Variants in TENM1 observed in about 807,000 individuals in gnomAD.
TENM1 encodes teneurin-1.
TENM1 carries 35 observed loss-of-function variants against 174.8 expected under a neutral mutation model. The observed-to-expected ratio is 0.20, with a 90% CI of 0.15 to 0.27. The LOEUF (loss-of-function observed/expected upper bound fraction) is 0.27, where lower values mean the gene tolerates loss of function less well. TENM1 is among the 10% of genes least tolerant of loss of function. The pLI is 1.00. For synonymous variants in TENM1, 781 were observed against 798.7 expected (o/e 0.98, Z 0.37); for missense variants, 1,633 against 2,130.1 (o/e 0.77, Z 4.59).
At chrX:124,442,648 A>C (rs1013356629) in intron 23 of TENM1, among the ~76,000 whole-genome samples, 2 of 111,770 alleles carry the variant, frequency 1.8e-5, no homozygotes, top group African/African-American at 6.5e-5. Context: ...GGGGAAAAGA[A>C]GGTGCCTTTT....
At chrX:125,051,998 GA>G in the TENM1 span, among the ~76,000 whole-genome samples, 1 of 110,291 alleles carries the variant, frequency 9.1e-6, no homozygotes, top group Non-Finnish European at 1.9e-5. Context: ...AAATTTACAA[GA>G]AAAAAACAAA....
intron 3 of TENM1, among the ~76,000 whole-genome samples, chrX:124,848,516 C>T (rs1392984349): frequency 9.0e-6 from 1 of 111,291 alleles, no homozygotes; most frequent in Non-Finnish European, 1.9e-5. Flanking sequence ...TTTTGGAGGA[C>T]ATTTTACCAG....
At chrX:124,400,444 T>C (rs1045524798) in intron 27 of TENM1, among the ~76,000 whole-genome samples, 3 of 112,210 alleles carry the variant, frequency 2.7e-5, no homozygotes, top group African/African-American at 9.7e-5. Flanking sequence ...AAAACCAACC[T>C]ACCCTATTCT....
intron 23 of TENM1, among the ~76,000 whole-genome samples, chrX:124,451,201 A>T (rs1332389720): frequency 9.0e-6 from 1 of 110,758 alleles, no homozygotes; most frequent in African/African-American, 3.3e-5. Context: ...TCTAATACTG[A>T]TTTTGTAGAA....
intron 31 of TENM1, 122 bp downstream of exon 34, chrX:124,382,548 G>GT: frequency 1.5e-6 from 1 of 650,140 alleles, no homozygotes; most frequent in Non-Finnish European, 2.3e-6. Context: ...AATTGTGCAC[G>GT]TTTTAGTGAA....
the TENM1 span, among the ~76,000 whole-genome samples, chrX:125,189,287 T>C: frequency 1.8e-5 from 2 of 112,005 alleles, no homozygotes; most frequent in Non-Finnish European, 3.8e-5. Flanking sequence ...CCTCACCCTT[T>C]ATCTCTCTAT....
intron 3 of TENM1, among the ~76,000 whole-genome samples, chrX:124,774,030 A>G (rs759335106): frequency 2.7e-5 from 3 of 112,047 alleles, no homozygotes; most frequent in Non-Finnish European, 5.6e-5. Flanking sequence ...AAATAATCCA[A>G]CTGAAACAAA....
intron 3 of TENM1, among the ~76,000 whole-genome samples, chrX:124,776,104 C>T (rs1186973016): frequency 8.9e-6 from 1 of 111,871 alleles, no homozygotes; most frequent in African/African-American, 3.3e-5. Context: ...TTAGAGAAAA[C>T]AACTGTCAGT....
chrX:124,996,913 T>C, the TENM1 span, among the ~76,000 whole-genome samples: 4 of 110,622 alleles, frequency 3.6e-5, no homozygotes, highest in Non-Finnish European at 7.6e-5. Context: ...CCCAAAGAAA[T>C]TAAAGAAAAG....
chrX:124,410,032 G>A (rs373856490), intron 25 of TENM1, among the ~76,000 whole-genome samples: 11,724 of 106,676 alleles, frequency 0.11, 643 homozygotes, highest in Middle Eastern at 0.17. Flanking sequence ...TAAAGTTCAT[G>A]TGGAACCAAA....
chrX:124,990,427 A>G, the TENM1 span, among the ~76,000 whole-genome samples: 1 of 113,161 alleles, frequency 8.8e-6, no homozygotes, highest in African/African-American at 3.2e-5. Flanking sequence ...GTTTTGCTCT[A>G]GAGAATCAAC....
intron 3 of TENM1, among the ~76,000 whole-genome samples, chrX:124,854,642 A>G (rs1282421576): frequency 1.8e-5 from 2 of 112,144 alleles, no homozygotes; most frequent in African/African-American, 6.5e-5. Flanking sequence ...AAGAAACATT[A>G]AAATACCAAT....
the TENM1 span, among the ~76,000 whole-genome samples, chrX:125,184,685 A>G: frequency 6.3e-5 from 7 of 111,898 alleles, no homozygotes; most frequent in African/African-American, 2.3e-4. Flanking sequence ...TAAAGAAAGT[A>G]TCAAGTGATG....
intron 18 of TENM1, among the ~76,000 whole-genome samples, chrX:124,517,703 A>G (rs1225460200): frequency 1.9e-5 from 2 of 106,683 alleles, no homozygotes; most frequent in East Asian, 6.0e-4. Context: ...TAGGAGATAA[A>G]CCTAATGCAT....
chrX:125,135,728 A>G, the TENM1 span, among the ~76,000 whole-genome samples: 1 of 112,161 alleles, frequency 8.9e-6, no homozygotes, highest in Admixed American at 9.5e-5. Flanking sequence ...ATTCAAAAGA[A>G]AAGTGTAGAG....
intron 3 of TENM1, among the ~76,000 whole-genome samples, chrX:124,861,736 C>T (rs965330016): frequency 8.9e-6 from 1 of 112,089 alleles, no homozygotes; most frequent in East Asian, 2.8e-4. Flanking sequence ...TTATATGAAT[C>T]GACCTATTTG....
At chrX:124,929,152 G>A (rs1174959462) in intron 1 of TENM1, among the ~76,000 whole-genome samples, 1 of 111,389 alleles carries the variant, frequency 9.0e-6, no homozygotes, top group East Asian at 2.8e-4. Context: ...ATGCGTTATA[G>A]GATGAGTTCC....
At chrX:125,073,930 T>C in the TENM1 span, among the ~76,000 whole-genome samples, 1 of 112,118 alleles carries the variant, frequency 8.9e-6, no homozygotes, top group Non-Finnish European at 1.9e-5. Context: ...ATTCTTTCCT[T>C]GTCAGGTAAA....
intron 3 of TENM1, among the ~76,000 whole-genome samples, chrX:124,887,637 T>C (rs958873620): frequency 9.0e-6 from 1 of 111,442 alleles, no homozygotes; most frequent in African/African-American, 3.3e-5. Context: ...ATCATCAAAG[T>C]GGTTTTTAAT....
Sources: allele counts gnomAD v4.1 joint callset (sites outside exome capture counted in the v4.1 genomes callset), GRCh38; gene constraint gnomAD v4.1.1; transcripts MANE v1.5; gene names NCBI Gene and HGNC (gene_info 2026-07-23, HGNC 2026-07-21).